The following NLRP2 variants were observed in gnomAD, a reference collection of about 807,000 sequenced individuals.
NLRP2 encodes the protein NLR family pyrin domain containing 2, also known as NACHT, LRR and PYD domains-containing protein 2.
NLRP2 carries 107 observed loss-of-function variants against 97.2 expected under a neutral mutation model. The ratio of observed to expected loss-of-function variants is 1.10; its 90% CI spans 0.94 to 1.29. The LOEUF (loss-of-function observed/expected upper bound fraction) is 1.29. NLRP2 is among the 50% of genes most tolerant of loss of function. The probability of loss-of-function intolerance (pLI) is 0.00; values close to 1 mark genes in which losing one functional copy is unlikely to be tolerated. For synonymous variants in NLRP2, 663 were observed against 551.5 expected, an observed-to-expected ratio of 1.20 and a Z score of -2.83; for missense variants, 1,495 against 1,330.3, an observed-to-expected ratio of 1.12 and a Z score of -1.93.
rs200815567 is a variant in NLRP2 at position 54,970,162 on chromosome 19, G to A, written c.147G>A (p.Lys49=). The A allele has an allele frequency of 1.3e-4, 210 of 1,614,106 alleles. No individual in the cohort carries two copies. Among genetic ancestry groups the A allele is most frequent in the Non-Finnish European group, 1.7e-4 (196 of 1,180,030 alleles). The change falls in exon 2 of 13, where the codon AAG becomes AAA. Residue 49 remains lysine (K), a synonymous_variant. Transcript: ENST00000448584. ...AGATCCCCCACAAGGAGGTAGACAA[G>A]GCTGATGGGAAGCAACTGGTAGAAA... The part of the protein sequence containing the change: ...LQKIPHKEVD[K]ADGKQLVEIL...
At position 54,975,106 on chromosome 19, in the gene NLRP2, G is replaced by GTTTTT. The variant is rs558518586; in HGVS notation, c.325+595_325+599dup. Among the ~76,000 whole-genome samples the GTTTTT allele has an allele frequency of 9.0e-4, 53 of 58,704 alleles. 9 individuals are homozygous for GTTTTT. Among genetic ancestry groups the GTTTTT allele is most frequent in the Non-Finnish European group, 1.2e-3 (36 of 28,948 alleles). 38.5% of individuals were successfully genotyped at this position (58,704 alleles called of 152,430 possible). On this transcript the variant is annotated intron_variant, in intron 3 of 12. Coordinates refer to ENST00000448584, the MANE Select transcript of NLRP2 (RefSeq NM_017852.5). The stretch of plus-strand genomic sequence containing the variant: ...ATGAGCCACCACCACACCCGGTTTT[G>GTTTTT]TTTTTTTTTTTTTTTTTTTTTTTTT...
intron 3 of NLRP2, among the ~76,000 whole-genome samples, chr19:54,974,765 G>A (rs1258014480): frequency 6.6e-6 from 1 of 152,142 alleles, no homozygotes; most frequent in Admixed American, 6.6e-5. Context: ...TACAAAGCGG[G>A]GAAGGGTAAG....
Position 54,983,460 on chromosome 19 carries a change from T to A in NLRP2, c.1762T>A (p.Cys588Ser). Residue 588 changes from cysteine to serine, a missense_variant, in exon 6 of 13, where the codon TGC (cysteine) becomes AGC (serine). Physicochemically the swap from Cys to Ser is moderately radical, Grantham distance 112. Transcript: ENST00000448584. ...SPDIKQELLR[C>S]DISCKGGHST... Reference sequence around the variant, plus strand: ...GGACATCAAACAGGAATTGCTGCGATGCGACATAAGTTGTAAGGGTGGACA... The same window carrying A: ...GGACATCAAACAGGAATTGCTGCGAAGCGACATAAGTTGTAAGGGTGGACA... 1.2e-6 allele frequency: 2 copies of A among 1,614,224 alleles called. No homozygotes were observed. Among genetic ancestry groups the A allele is most frequent in the Non-Finnish European group, 1.7e-6 (2 of 1,180,046 alleles).
At chr19:54,969,492 AAAAAATAC>A (rs2070706096) in intron 1 of NLRP2, among the ~76,000 whole-genome samples, 1 of 151,652 alleles carries the variant, frequency 6.6e-6, no homozygotes, top group South Asian at 2.1e-4. Context: ...AAAAAAAAAA[AAAAAATAC>A]AAAAAGTAGC....
chr19:54,973,337 G>T (rs1230958365), intron 2 of NLRP2, among the ~76,000 whole-genome samples: 1 of 135,152 alleles, frequency 7.4e-6, no homozygotes, highest in Non-Finnish European at 1.5e-5. Flanking sequence ...TTTAACAATG[G>T]GTGAGGGTTT....
Position 54,982,299 on chromosome 19 carries a change from C to A in NLRP2, c.601C>A (p.Leu201Ile). The A allele has an allele frequency of 1.2e-6, 2 of 1,614,130 alleles. No homozygotes were observed. Among genetic ancestry groups the A allele is most frequent in the South Asian group, 1.1e-5 (1 of 91,082 alleles). The change falls in exon 6 of 13, where the codon CTT becomes ATT. Residue 201 changes from leucine (L) to isoleucine (I), a missense_variant. By Grantham distance (5) the Leu-to-Ile change is conservative (BLOSUM62 2). Coordinates refer to ENST00000448584, the MANE Select transcript of NLRP2 (RefSeq NM_017852.5). ...MLIPFSNPRV[L>I]PGPFSYTVVL... ...GATCCCATTCAGCAACCCCAGGGTG[C>A]TTCCCGGGCCCTTCTCATACACGGT...
At chr19:54,984,874 C>G (rs1483905200) in intron 6 of NLRP2, among the ~76,000 whole-genome samples, 173 bp from the exon 7 acceptor site, 2 of 152,130 alleles carry the variant, frequency 1.3e-5, no homozygotes, top group African/African-American at 4.8e-5. Flanking sequence ...TAGGTTCTTT[C>G]TCCTGTGATG....
chr19:54,979,900 C>G (rs2146408393), intron 4 of NLRP2, among the ~76,000 whole-genome samples: 1 of 152,100 alleles, frequency 6.6e-6, no homozygotes, highest in Non-Finnish European at 1.5e-5. Context: ...CCTCAGCCTC[C>G]CAAATAGCTG....
intron 4 of NLRP2, 98 bp downstream of exon 4, chr19:54,977,921 C>A (rs1425118744): frequency 1.8e-6 from 2 of 1,101,120 alleles, no homozygotes; most frequent in Non-Finnish European, 2.7e-6. Flanking sequence ...TCTCTCCAAT[C>A]TTTTCCTCCA....
Position 54,990,553 on chromosome 19 carries a change from G to A in NLRP2, c.2589G>A (p.Val863=). Residue 863 remains valine, a synonymous_variant, in exon 10 of 13, where the codon GTG becomes GTA. Coordinates refer to ENST00000448584, the MANE Select transcript of NLRP2 (RefSeq NM_017852.5). ...CCAATTGCAAGGACCTTGCTGCTGT[G>A]TTGGTTGTCAGCCGGGAGCTGACAC... ...TEANCKDLAA[V]LVVSRELTHL... 6.2e-7 allele frequency: 1 copy of A among 1,614,196 alleles called. No individual in the cohort carries two copies. Among genetic ancestry groups the A allele is most frequent in the Non-Finnish European group, 8.5e-7 (1 of 1,180,024 alleles).
intron 11 of NLRP2, among the ~76,000 whole-genome samples, 157 bp from the exon 12 acceptor site, chr19:54,997,160 C>G (rs1472774379): frequency 6.6e-6 from 1 of 152,196 alleles, no homozygotes; most frequent in African/African-American, 2.4e-5. Flanking sequence ...CCACCTCGGC[C>G]TCCCAAAGTG....
chr19:54,982,647 C>A lies in NLRP2; in HGVS notation c.949C>A (p.Leu317Ile). ...DWEKKKPVPV[L>I]LGSLLNRVML... ...GGAGAAGAAGAAGCCGGTGCCCGTC[C>A]TCCTGGGGAGTTTGCTGAACAGGGT... Residue 317 changes from leucine (L) to isoleucine (I), a missense_variant, in exon 6 of 13, where the codon CTC becomes ATC. Physicochemically the swap from Leu to Ile is conservative, Grantham distance 5 (BLOSUM62 2). Transcript: ENST00000448584. The A allele has an allele frequency of 6.2e-7, 1 of 1,614,148 alleles. No homozygotes were observed.
intron 1 of NLRP2, among the ~76,000 whole-genome samples, chr19:54,966,844 TTTTTTTTC>T (rs1318831115): frequency 2.9e-5 from 4 of 136,730 alleles, no homozygotes; most frequent in Non-Finnish European, 6.4e-5. Flanking sequence ...TTTTTTTTTT[TTTTTTTTC>T]TTCTCTTTTT....
intron 2 of NLRP2, chr19:54,974,081 C>G: frequency 1.1e-6 from 1 of 938,184 alleles, no homozygotes. Context: ...AGCAGCCAAG[C>G]GCGGTGGCTC....
At chr19:54,976,668 C>A (rs185277552) in intron 3 of NLRP2, among the ~76,000 whole-genome samples, 1 of 152,012 alleles carries the variant, frequency 6.6e-6, no homozygotes, top group Non-Finnish European at 1.5e-5. Flanking sequence ...AAAGGCTCTT[C>A]TCAGATCAGC....
At chr19:54,977,930 C>T in intron 4 of NLRP2, 107 bp downstream of exon 4, 2 of 1,049,502 alleles carry the variant, frequency 1.9e-6, no homozygotes, top group Non-Finnish European at 2.9e-6. Context: ...TCTTTTCCTC[C>T]ACTATTCTTA....
intron 10 of NLRP2, chr19:54,991,596 C>A (rs958867179): frequency 6.6e-6 from 1 of 152,060 alleles, no homozygotes; most frequent in Admixed American, 6.6e-5. Flanking sequence ...GAATTGGGGC[C>A]TGGCATGGTG....
At position 54,994,423 on chromosome 19, in the gene NLRP2, A is replaced by G; in HGVS notation, c.2863A>G (p.Asn955Asp). 6.2e-7 allele frequency: 1 copy of G among 1,612,960 alleles called. No homozygotes were observed. Among genetic ancestry groups the G allele is most frequent in the Non-Finnish European group, 8.5e-7 (1 of 1,180,000 alleles). The change falls in exon 11 of 13, where the codon AAC (asparagine) becomes GAC (aspartate). Residue 955 changes from asparagine to aspartate, a missense_variant. By Grantham distance (23) the Asn-to-Asp change is conservative. Coordinates refer to ENST00000448584, the MANE Select transcript of NLRP2 (RefSeq NM_017852.5). ...TGAGGCTTTGAGGAAACCACTGTGC[A>G]ACTTGAGATGTCTGTGGTGAGTTAA... The part of the protein sequence containing the change: ...LCEALRKPLC[N>D]LRCLWLWGCS...
chr19:54,987,946 A>C (rs1371113077), intron 8 of NLRP2, among the ~76,000 whole-genome samples: 1 of 152,098 alleles, frequency 6.6e-6, no homozygotes, highest in Non-Finnish European at 1.5e-5. Context: ...ATGGAGGCTG[A>C]TGCAAGAGAA....
Sources: gnomAD v4.1 joint callset for allele counts (sites outside exome capture counted in the v4.1 genomes callset) on GRCh38, gnomAD v4.1.1 for gene constraint, MANE v1.5 for transcripts, NCBI Gene and HGNC (gene_info 2026-07-23, HGNC 2026-07-21) for gene names.